The following RUNX1T1 variants were observed in gnomAD, a reference collection of about 807,000 sequenced individuals.
RUNX1T1 encodes RUNX1 partner transcriptional co-repressor 1.
A neutral mutation model predicts 62.8 loss-of-function variants in RUNX1T1; 4 were observed. The ratio of observed to expected loss-of-function variants is 0.06; its 90% CI spans 0.03 to 0.15. The LOEUF (loss-of-function observed/expected upper bound fraction) is 0.15. Among genes scored for constraint, RUNX1T1 ranks in the 10% least tolerant of loss-of-function variants. The pLI is 1.00. For missense variants in RUNX1T1, 508 were observed against 754.3 expected (o/e 0.67, Z 3.82); for synonymous variants, 291 against 286.0 (o/e 1.02, Z -0.18).
chr8:92,090,030 A>C (rs1836745669), intron 1 of RUNX1T1, among the ~76,000 whole-genome samples: 2 of 148,852 alleles, frequency 1.3e-5, no homozygotes, highest in Admixed American at 1.3e-4. Flanking sequence ...TCCGTATGAG[A>C]GTTGGGAAGC....
chr8:92,054,994 G>A (rs1404935056), intron 1 of RUNX1T1, among the ~76,000 whole-genome samples: 1 of 152,020 alleles, frequency 6.6e-6, no homozygotes, highest in Non-Finnish European at 1.5e-5. Flanking sequence ...GACAGAGTGA[G>A]ACTCCGTCTC....
At chr8:91,977,587 CACAGT>C (rs746463698) in intron 8 of RUNX1T1, among the ~76,000 whole-genome samples, 3 of 152,134 alleles carry the variant, frequency 2.0e-5, no homozygotes, top group Non-Finnish European at 4.4e-5. Flanking sequence ...AGCCATGTGA[CACAGT>C]ACAACACAGA....
At chr8:91,979,994 A>C (rs1814862382) in intron 8 of RUNX1T1, 1 of 311,390 alleles carries the variant, frequency 3.2e-6, no homozygotes, top group Admixed American at 4.3e-5. Context: ...ATCAAAAGAA[A>C]GAAAGAGTTA....
chr8:91,976,228 T>A (rs1813911508), intron 8 of RUNX1T1, among the ~76,000 whole-genome samples: 1 of 152,256 alleles, frequency 6.6e-6, no homozygotes, highest in Admixed American at 6.5e-5. Context: ...GATTTCATTA[T>A]ACAATATGAT....
chr8:92,043,903 A>G (rs1243644106), intron 1 of RUNX1T1, among the ~76,000 whole-genome samples: 1 of 150,396 alleles, frequency 6.6e-6, no homozygotes, highest in Non-Finnish European at 1.5e-5. Context: ...GCTTGAACCC[A>G]GGAGGCAGAG....
At chr8:91,995,099 C>T (rs906347666) in intron 5 of RUNX1T1, among the ~76,000 whole-genome samples, 1 of 152,156 alleles carries the variant, frequency 6.6e-6, no homozygotes, top group Non-Finnish European at 1.5e-5. Flanking sequence ...GCAGCCCCTG[C>T]AGAATTTCTA....
intron 9 of RUNX1T1, 71 bp from the exon 11 acceptor site, chr8:91,970,919 ACTTTT>A (rs921799214): frequency 1.9e-5 from 25 of 1,286,574 alleles, no homozygotes; most frequent in African/African-American, 4.6e-5. Flanking sequence ...GATACGGATT[ACTTTT>A]CTTTTAATTT....
At chr8:92,066,378 T>C (rs1832877917), upstream of RUNX1T1, among the ~76,000 whole-genome samples, 1 of 152,218 alleles carries the variant, frequency 6.6e-6, no homozygotes, top group Non-Finnish European at 1.5e-5. Flanking sequence ...AAATAATGTT[T>C]TATGGGCGAG....
At chr8:91,994,453 G>C in intron 5 of RUNX1T1, 1 of 297,836 alleles carries the variant, frequency 3.4e-6, no homozygotes, top group South Asian at 3.3e-5. Flanking sequence ...AAGACTATTA[G>C]TGGCTATGAA....
intron 1 of RUNX1T1, chr8:92,081,308 G>T (rs61196161): frequency 1.2e-6 from 1 of 859,274 alleles, no homozygotes; most frequent in Non-Finnish European, 1.4e-6. Flanking sequence ...AAAAGAGGTA[G>T]TACCTATTTT....
At chr8:91,975,361 TAA>T (rs1813690198) in intron 9 of RUNX1T1, among the ~76,000 whole-genome samples, 1 of 152,204 alleles carries the variant, frequency 6.6e-6, no homozygotes, top group African/African-American at 2.4e-5. Flanking sequence ...TCATTTCACT[TAA>T]AGAGTAATTT....
chr8:92,102,795 T>C, upstream of RUNX1T1: 1 of 1,453,888 alleles, frequency 6.9e-7, no homozygotes. The surrounding 1 kb of genome is among the most constrained non-coding windows in gnomAD (Gnocchi z 4.5). Context: ...CAGTAATTAA[T>C]AACAGTCAGG....
exon 1 of RUNX1T1, chr8:92,062,672 G>T: frequency 6.3e-7 from 1 of 1,593,114 alleles, no homozygotes; most frequent in Non-Finnish European, 8.6e-7. Context: ...GAGGGGCTGG[G>T]GCGGCATCGC....
chr8:92,014,290 C>T (rs1299531541), intron 3 of RUNX1T1, among the ~76,000 whole-genome samples: 2 of 149,784 alleles, frequency 1.3e-5, no homozygotes, highest in East Asian at 3.9e-4. Context: ...CATACACACA[C>T]ACACACACAC....
At chr8:91,993,833 T>C (rs1376270205) in intron 5 of RUNX1T1, among the ~76,000 whole-genome samples, 1 of 151,906 alleles carries the variant, frequency 6.6e-6, no homozygotes, top group Non-Finnish European at 1.5e-5. Context: ...CTCTACTAAA[T>C]ATACAAAAAG....
chr8:91,991,643 A>G, exon 6 of RUNX1T1: 2 of 1,613,186 alleles, frequency 1.2e-6, no homozygotes, highest in Non-Finnish European at 1.7e-6. Context: ...TCTTACCCAT[A>G]GGTCTGTTTC....
intron 8 of RUNX1T1, among the ~76,000 whole-genome samples, chr8:91,983,109 A>G (rs1318480696): frequency 1.4e-5 from 2 of 146,382 alleles, no homozygotes; most frequent in South Asian, 2.2e-4. Context: ...TTTTTTTTGT[A>G]TCTTTAGTAG....
intron 3 of RUNX1T1, among the ~76,000 whole-genome samples, chr8:92,012,752 C>CAA (rs34797716): frequency 0.014 from 1,942 of 138,984 alleles, 44 homozygotes; most frequent in African/African-American, 0.047. Context: ...ATCACTCCCT[C>CAA]AAAAAAAAAA....
At chr8:91,974,762 A>C (rs1293722090) in intron 9 of RUNX1T1, among the ~76,000 whole-genome samples, 3 of 152,202 alleles carry the variant, frequency 2.0e-5, no homozygotes, top group African/African-American at 7.2e-5. Context: ...TGCGTATTGG[A>C]CGTGCAAGAC....
Sources: allele counts gnomAD v4.1 joint callset (sites outside exome capture counted in the v4.1 genomes callset), GRCh38; gene constraint gnomAD v4.1.1; non-coding constraint Gnocchi (gnomAD v3.1); transcripts MANE v1.5; gene names NCBI Gene and HGNC (gene_info 2026-07-23, HGNC 2026-07-21).